Variants in SIM2 observed in about 807,000 individuals in gnomAD.
SIM2 encodes the protein SIM bHLH transcription factor 2, also known as single-minded homolog 2.
SIM2 carries 28 observed loss-of-function variants against 64.8 expected under a neutral mutation model. That is an observed-to-expected ratio of 0.43 (90% CI 0.32 to 0.59). The LOEUF (loss-of-function observed/expected upper bound fraction) is 0.59, where lower values mean the gene tolerates loss of function less well. Among genes scored for constraint, SIM2 ranks in the 20% least tolerant of loss-of-function variants. SIM2 has a pLI of 0.07. For missense variants in SIM2, 847 were observed against 871.4 expected, an observed-to-expected ratio of 0.97 and a Z score of 0.35; for synonymous variants, 408 against 391.1, an observed-to-expected ratio of 1.04 and a Z score of -0.51.
intron 3 of SIM2, among the ~76,000 whole-genome samples, chr21:36,718,963 A>C (rs958491379): frequency 2.6e-5 from 4 of 152,232 alleles, no homozygotes; most frequent in Non-Finnish European, 5.9e-5. Context: ...CTGTGTAAAA[A>C]TTGTAACTAT....
At chr21:36,716,612 G>A (rs1020736319) in intron 3 of SIM2, among the ~76,000 whole-genome samples, 3 of 152,098 alleles carry the variant, frequency 2.0e-5, no homozygotes, top group Admixed American at 6.5e-5. Context: ...CCAGAGTAAC[G>A]TGCATTTTCA....
chr21:36,713,945 G>A (rs916088307), intron 3 of SIM2, among the ~76,000 whole-genome samples: 1 of 152,186 alleles, frequency 6.6e-6, no homozygotes, highest in African/African-American at 2.4e-5. Flanking sequence ...GTTTACTAAG[G>A]CTTGGCACTT....
At chr21:36,711,030 T>C (rs957966551) in intron 2 of SIM2, among the ~76,000 whole-genome samples, 9 of 152,224 alleles carry the variant, frequency 5.9e-5, no homozygotes, top group South Asian at 2.1e-4. Flanking sequence ...CTTTAATTAA[T>C]TCCGGAGTGG....
At chr21:36,713,997 G>A (rs1406790047) in intron 3 of SIM2, among the ~76,000 whole-genome samples, 1 of 152,250 alleles carries the variant, frequency 6.6e-6, no homozygotes, top group Non-Finnish European at 1.5e-5. Context: ...TGTAGAATGG[G>A]AACTACTGTT....
chr21:36,745,208 G>A lies in SIM2; in HGVS notation c.1576+72G>A, dbSNP rs750713368. ...CGGGAGCCGAAGCAGCCATGGCGGT[G>A]GGTGGCAGATGGAGACAGAACCCTC... is the stretch of plus-strand genomic sequence containing the variant. On this transcript the variant is annotated intron_variant, in intron 10 of 10. Coordinates refer to ENST00000290399, the MANE Select transcript of SIM2 (RefSeq NM_005069.6). This position sits in a 1 kb window ranked among gnomAD's most constrained non-coding sequence, Gnocchi z 4.8. 9 of 1,525,320 alleles carry A rather than the reference G, an allele frequency of 5.9e-6. No individual in the cohort carries two copies. Among genetic ancestry groups the A allele is most frequent in the South Asian group, 5.2e-5 (4 of 77,652 alleles). The allele number at this position is 1,525,320 out of a possible 1,614,324, so 94.5% of individuals were successfully genotyped here. A position where few individuals can be genotyped will look rare whatever the true frequency, so the allele number is the denominator to read the frequency against.
At chr21:36,721,296 T>C (rs978862105) in intron 4 of SIM2, among the ~76,000 whole-genome samples, 2 of 152,260 alleles carry the variant, frequency 1.3e-5, no homozygotes, top group East Asian at 1.9e-4. Flanking sequence ...TTCTAAAAAA[T>C]GAGGGCTAGG....
At position 36,745,683 on chromosome 21, in the gene SIM2, G is replaced by A; in HGVS notation, c.1576+547G>A. The A allele has an allele frequency of 2.5e-6, 3 of 1,210,090 alleles. No individual in the cohort carries two copies. The highest frequency in any genetic ancestry group is 3.2e-6 in the Non-Finnish European group (3 of 932,724). The allele number at this position is 1,210,090 out of a possible 1,614,324, so 75.0% of individuals were successfully genotyped here. A position where few individuals can be genotyped will look rare whatever the true frequency, so the allele number is the denominator to read the frequency against. On this transcript the variant is annotated intron_variant, in intron 10 of 10. Transcript: ENST00000290399. This position sits in a 1 kb window ranked among gnomAD's most constrained non-coding sequence, Gnocchi z 4.8. ...GCCTCAGTTTCTTCACCTGTAAAAT[G>A]GGGTGAAGCTGTGATGTGCCTACTC...
chr21:36,730,310 G>A (rs78980165), intron 6 of SIM2, among the ~76,000 whole-genome samples: 1,628 of 152,350 alleles, frequency 0.011, 33 homozygotes, highest in African/African-American at 0.036. Context: ...AAGGAATGAA[G>A]TTCAGACACA....
At chr21:36,736,236 C>T (rs1282477266) in intron 7 of SIM2, among the ~76,000 whole-genome samples, 3 of 152,088 alleles carry the variant, frequency 2.0e-5, no homozygotes, top group Non-Finnish European at 4.4e-5. Flanking sequence ...TCACCGAGAG[C>T]AGGAACAAAG....
intron 8 of SIM2, among the ~76,000 whole-genome samples, chr21:36,742,448 GT>G (rs2089174635): frequency 7.3e-5 from 2 of 27,270 alleles, no homozygotes; most frequent in African/African-American, 3.5e-4. Context: ...TAGAGACGGG[GT>G]TTTGCTATGT....
At chr21:36,736,730 C>T (rs1339735344) in intron 7 of SIM2, among the ~76,000 whole-genome samples, 1 of 66,176 alleles carries the variant, frequency 1.5e-5, no homozygotes, top group Non-Finnish European at 2.8e-5. Flanking sequence ...CCTTCCTTCC[C>T]TCCTTCCCTT....
chr21:36,722,945 G>T, intron 4 of SIM2, 100 bp from the exon 5 acceptor site: 2 of 885,154 alleles, frequency 2.3e-6, no homozygotes, highest in South Asian at 2.8e-5. Flanking sequence ...AAGGCCTCTG[G>T]GTGCTGCATC....
At chr21:36,742,595 G>A (rs980408983) in intron 8 of SIM2, among the ~76,000 whole-genome samples, 14 of 152,264 alleles carry the variant, frequency 9.2e-5, no homozygotes, top group African/African-American at 3.4e-4. Flanking sequence ...CAATAGGACA[G>A]ATGTCTATCT....
chr21:36,728,585 A>C (rs2088925342), intron 6 of SIM2, among the ~76,000 whole-genome samples: 1 of 152,232 alleles, frequency 6.6e-6, no homozygotes. Context: ...CCATATCAGG[A>C]AACTTCTAGC....
intron 3 of SIM2, among the ~76,000 whole-genome samples, chr21:36,713,962 A>T (rs1312915741): frequency 6.6e-6 from 1 of 152,238 alleles, no homozygotes; most frequent in East Asian, 1.9e-4. Flanking sequence ...ACTTGTGCCT[A>T]TGTGACTCGT....
At chr21:36,738,303 G>A (rs1024546023) in intron 7 of SIM2, among the ~76,000 whole-genome samples, 1 of 152,122 alleles carries the variant, frequency 6.6e-6, no homozygotes, top group Non-Finnish European at 1.5e-5. Flanking sequence ...TCAGGAGTTA[G>A]AGACCAGCCT....
chr21:36,731,184 T>C (rs774747134), intron 7 of SIM2, 33 bp downstream of exon 7: 12 of 1,561,756 alleles, frequency 7.7e-6, no homozygotes, highest in Admixed American at 1.7e-5. Flanking sequence ...CCACGGGAGG[T>C]AGCTGGTCAG....
intron 4 of SIM2, among the ~76,000 whole-genome samples, chr21:36,722,700 G>T (rs903263816): frequency 1.3e-5 from 2 of 152,208 alleles, no homozygotes; most frequent in Admixed American, 1.3e-4. Context: ...CTCAAGTCCT[G>T]CTACCCTGAG....
intron 5 of SIM2, among the ~76,000 whole-genome samples, chr21:36,724,570 C>T (rs948579014): frequency 6.6e-6 from 1 of 152,210 alleles, no homozygotes; most frequent in African/African-American, 2.4e-5. Flanking sequence ...GGAGCCACCG[C>T]GCCTGGATGG....
Sources: gnomAD v4.1 joint callset for allele counts (sites outside exome capture counted in the v4.1 genomes callset) on GRCh38, gnomAD v4.1.1 for gene constraint, Gnocchi (gnomAD v3.1) non-coding constraint, MANE v1.5 for transcripts, NCBI Gene and HGNC (gene_info 2026-07-23, HGNC 2026-07-21) for gene names.